Variants in NBEA observed in about 807,000 individuals in gnomAD.
NBEA encodes lysosomal-trafficking regulator 2.
A neutral mutation model predicts 343.4 loss-of-function variants in NBEA; 44 were observed. That is an observed-to-expected ratio of 0.13 (90% confidence interval 0.10 to 0.16). The LOEUF (loss-of-function observed/expected upper bound fraction) is 0.16. Ranked by LOEUF, NBEA falls within the 10% of genes least tolerant of loss-of-function variation. NBEA has a pLI of 1.00. For missense variants in NBEA, 2,555 were observed against 3,631.3 expected (o/e 0.70, Z 7.62); for synonymous variants, 1,175 against 1,238.7 (o/e 0.95, Z 1.08).
chr13:34,976,691 A>C (rs190723450), intron 1 of NBEA, among the ~76,000 whole-genome samples: 127 of 150,396 alleles, frequency 8.4e-4, no homozygotes, highest in East Asian at 7.8e-4. Flanking sequence ...GACTCAGACA[A>C]AACTTCATAA....
intron 18 of NBEA, among the ~76,000 whole-genome samples, chr13:35,146,262 C>G (rs1408904442): frequency 6.6e-6 from 1 of 152,134 alleles, no homozygotes; most frequent in Non-Finnish European, 1.5e-5. Context: ...TAGCCTGCAG[C>G]TCAGGGGTAA....
intron 5 of NBEA, among the ~76,000 whole-genome samples, chr13:35,049,854 TTC>T (rs200457102): frequency 0.064 from 9,703 of 151,344 alleles, 544 homozygotes; most frequent in Admixed American, 0.19. Context: ...AAGTTTTTTT[TTC>T]TTTTTCTTTT....
At chr13:35,476,586 G>T in intron 41 of NBEA, 1 of 551,716 alleles carries the variant, frequency 1.8e-6, no homozygotes, top group South Asian at 2.1e-5. Context: ...CGTAATCATT[G>T]TGTGTGCAGC....
At chr13:35,621,793 A>G (rs1168271114) in intron 48 of NBEA, among the ~76,000 whole-genome samples, 1 of 152,228 alleles carries the variant, frequency 6.6e-6, no homozygotes, top group African/African-American at 2.4e-5. Flanking sequence ...TTTATTAAAC[A>G]GTTATTATCC....
intron 38 of NBEA, among the ~76,000 whole-genome samples, chr13:35,429,024 G>C (rs1242646880): frequency 6.6e-6 from 1 of 152,164 alleles, no homozygotes; most frequent in South Asian, 2.1e-4. Flanking sequence ...CCACTGGTGG[G>C]CTGGCCTCAT....
chr13:35,101,065 C>G (rs1289030359), intron 11 of NBEA, among the ~76,000 whole-genome samples: 1 of 151,288 alleles, frequency 6.6e-6, no homozygotes. Context: ...AATAGTATTC[C>G]ATTAGATGTA....
rs191482625 is a variant in NBEA, at chr13:35,024,492, C to T, written c.295-16441C>T. Among the ~76,000 whole-genome samples, 92 of 151,508 alleles carry T rather than the reference C, an allele frequency of 6.1e-4. 1 individual carries two copies. Among genetic ancestry groups the T allele is most frequent in the South Asian group, 2.1e-4 (1 of 4,790 alleles). On this transcript the variant is annotated intron_variant, in intron 1 of 58. Coordinates refer to ENST00000379939, the MANE Select transcript of NBEA (RefSeq NM_001385012.1). ...TTCAAGACCAGCCAGACCAACCTGG[C>T]GAAACTTTGTCTCCACTGAAAAAAA...
At chr13:35,445,788 A>ATATATATATATATATATATATATATG (rs2045976540) in intron 39 of NBEA, among the ~76,000 whole-genome samples, 4 of 61,706 alleles carry the variant, frequency 6.5e-5, no homozygotes, top group African/African-American at 1.7e-4. Context: ...ATGTTTATAT[A>ATATATATATATATATATATATATATG]TATATATATA....
chr13:35,123,645 T>TA lies in NBEA; in HGVS notation c.2336+73dup, dbSNP rs2066917176. On this transcript the variant is annotated intron_variant, in intron 17 of 58. Transcript: ENST00000379939. ...ATTATGTTTTTATGAGTTTTCTATG[T>TA]AATGTAGCATGAAATTTGACTTGAA... The TA allele has an allele frequency of 1.6e-5, 15 of 911,662 alleles. No individual in the cohort carries two copies. In the Admixed American group the frequency reaches 4.8e-4, roughly 29 times the overall value. The allele number at this position is 911,662 out of a possible 1,614,324, so 56.5% of individuals were successfully genotyped here.
intron 49 of NBEA, among the ~76,000 whole-genome samples, chr13:35,645,213 A>G (rs1477139337): frequency 4.6e-5 from 7 of 152,242 alleles, no homozygotes; most frequent in Admixed American, 4.6e-4. Context: ...GCACCTAGCT[A>G]TGATTTTCCT....
At chr13:35,027,821 AT>A (rs1189385418) in intron 1 of NBEA, among the ~76,000 whole-genome samples, 1 of 151,976 alleles carries the variant, frequency 6.6e-6, no homozygotes, top group African/African-American at 2.4e-5. Flanking sequence ...CATTTAAACT[AT>A]GATTAATTAT....
At chr13:35,419,643 T>A (rs2044153424) in intron 38 of NBEA, among the ~76,000 whole-genome samples, 1 of 152,078 alleles carries the variant, frequency 6.6e-6, no homozygotes, top group South Asian at 2.1e-4. Flanking sequence ...TTTGTGAATC[T>A]GTAAAACTCA....
At chr13:35,450,904 A>C (rs1436647184) in intron 39 of NBEA, among the ~76,000 whole-genome samples, 1 of 152,136 alleles carries the variant, frequency 6.6e-6, no homozygotes, top group East Asian at 1.9e-4. Context: ...CATGTATAAA[A>C]TTTGCTTTCA....
At chr13:35,608,780 A>C (rs2082389637) in intron 48 of NBEA, among the ~76,000 whole-genome samples, 1 of 152,134 alleles carries the variant, frequency 6.6e-6, no homozygotes, top group Admixed American at 6.6e-5. Context: ...ATGGGTGCTG[A>C]TAATAAGTGC....
rs563241084 is a variant in NBEA at position 35,289,751 on chromosome 13, A to G, written c.5777-638A>G. On this transcript the variant is annotated intron_variant, in intron 34 of 58. Coordinates refer to ENST00000379939, the MANE Select transcript of NBEA (RefSeq NM_001385012.1). ...AGCACATGCTAAGTGATCAATGAGT[A>G]GTAGCCATTATTACATAGACATTAT... Among the ~76,000 whole-genome samples the G allele has an allele frequency of 4.2e-3, 632 of 152,040 alleles. 3 individuals carry two copies. Among genetic ancestry groups the G allele is most frequent in the Non-Finnish European group, 6.9e-3 (471 of 67,828 alleles).
At chr13:35,628,036 T>A in intron 48 of NBEA, 45 bp from the exon 49 acceptor site, 1 of 1,487,976 alleles carries the variant, frequency 6.7e-7, no homozygotes, top group Non-Finnish European at 9.2e-7. Flanking sequence ...TATGAAGGTG[T>A]ACTAAGTTTT....
At chr13:35,470,862 G>T (rs2075612724) in intron 40 of NBEA, among the ~76,000 whole-genome samples, 3 of 152,224 alleles carry the variant, frequency 2.0e-5, no homozygotes. Flanking sequence ...AGATTCGGGC[G>T]TAATTACTTG....
chr13:35,014,786 G>A (rs1000057648), intron 1 of NBEA, among the ~76,000 whole-genome samples: 2 of 151,958 alleles, frequency 1.3e-5, no homozygotes, highest in African/African-American at 4.8e-5. Context: ...CCTACCTGTT[G>A]GTGCCACTGG....
intron 39 of NBEA, among the ~76,000 whole-genome samples, chr13:35,441,919 C>T (rs1481900475): frequency 6.6e-6 from 1 of 151,556 alleles, no homozygotes; most frequent in Non-Finnish European, 1.5e-5. Flanking sequence ...CTCAAGTTGT[C>T]CAGTTAATCT....
Sources: gnomAD v4.1 joint callset for allele counts (sites outside exome capture counted in the v4.1 genomes callset) on GRCh38, gnomAD v4.1.1 for gene constraint, MANE v1.5 for transcripts, NCBI Gene and HGNC (gene_info 2026-07-23, HGNC 2026-07-21) for gene names.